SLC39A11: variants seen among roughly 807,000 people sequenced by gnomAD.
The protein encoded by SLC39A11 is solute carrier family 39 member 11.
SLC39A11 carries 33 observed loss-of-function variants against 36.1 expected under a neutral mutation model. The ratio of observed to expected loss-of-function variants is 0.91; its 90% CI spans 0.69 to 1.22. The LOEUF (loss-of-function observed/expected upper bound fraction) is 1.22. Ranked by LOEUF, SLC39A11 falls within the 50% of genes most tolerant of loss-of-function variation. The pLI is 0.00. For synonymous variants in SLC39A11, 166 were observed against 170.3 expected (o/e 0.97, Z 0.20); for missense variants, 432 against 430.3 (o/e 1.00, Z -0.03).
At chr17:72,741,155 T>C (rs1247007409) in intron 6 of SLC39A11, among the ~76,000 whole-genome samples, 1 of 152,078 alleles carries the variant, frequency 6.6e-6, no homozygotes, top group African/African-American at 2.4e-5. Flanking sequence ...ATTGTTACAG[T>C]AGTACAGTGG....
intron 1 of SLC39A11, among the ~76,000 whole-genome samples, chr17:73,091,305 G>T (rs1171107689): frequency 6.6e-6 from 1 of 151,918 alleles, no homozygotes; most frequent in East Asian, 1.9e-4. Flanking sequence ...GTGTGTGCCT[G>T]TAGTCCCAGT....
chr17:72,811,492 C>T (rs2077433172), intron 6 of SLC39A11, among the ~76,000 whole-genome samples: 2 of 152,160 alleles, frequency 1.3e-5, no homozygotes, highest in African/African-American at 4.8e-5. Context: ...CAGAAATCCA[C>T]CTGGATCTCA....
intron 4 of SLC39A11, among the ~76,000 whole-genome samples, chr17:72,984,658 T>C (rs751991536): frequency 1.3e-5 from 2 of 152,196 alleles, no homozygotes; most frequent in African/African-American, 2.4e-5. Flanking sequence ...CTCCAGGGGA[T>C]TCTCATGCAC....
At chr17:73,085,659 A>C (rs1375273125) in intron 2 of SLC39A11, among the ~76,000 whole-genome samples, 4 of 151,792 alleles carry the variant, frequency 2.6e-5, no homozygotes, top group Non-Finnish European at 5.9e-5. Flanking sequence ...AAAAAAAAAA[A>C]AAACCCTCAC....
chr17:72,657,853 AT>A lies in SLC39A11; in HGVS notation c.672-8586del, dbSNP rs1292036460. On this transcript the variant is annotated intron_variant, in intron 7 of 9. Transcript: ENST00000255559. ...TAAAACTCGCAATGGTCTGATGCAAATTTTGACCGCTTTTAGCCCCTTGGAT... is the reference window on the plus strand; with the variant it reads ...TAAAACTCGCAATGGTCTGATGCAAATTTGACCGCTTTTAGCCCCTTGGAT... 9.2e-5 allele frequency among the ~76,000 whole-genome samples: 14 copies of A among 152,336 alleles called. No individual in the cohort carries two copies. The East Asian group carries it at 2.7e-3, about 29-fold the overall frequency.
intron 7 of SLC39A11, among the ~76,000 whole-genome samples, chr17:72,690,448 G>A (rs1276730283): frequency 6.6e-6 from 1 of 152,294 alleles, no homozygotes; most frequent in Middle Eastern, 3.4e-3. Flanking sequence ...AGCTTCTCGG[G>A]TACTTTTCCC....
chr17:73,008,748 T>G (rs2090333479), intron 4 of SLC39A11, among the ~76,000 whole-genome samples: 1 of 151,834 alleles, frequency 6.6e-6, no homozygotes. Context: ...ATATTCTTCA[T>G]CCAAAAAAAG....
chr17:72,651,110 T>C (rs1309162629), intron 7 of SLC39A11, among the ~76,000 whole-genome samples: 1 of 152,152 alleles, frequency 6.6e-6, no homozygotes, highest in Non-Finnish European at 1.5e-5. Context: ...AGTAGACTCT[T>C]AGGAAAAGTC....
chr17:72,658,809 G>C (rs1011793924), intron 7 of SLC39A11, among the ~76,000 whole-genome samples: 2 of 151,896 alleles, frequency 1.3e-5, no homozygotes, highest in African/African-American at 4.8e-5. Context: ...CCACCGACAG[G>C]GCTCTTGTGT....
rs111730103 is a variant in SLC39A11 at position 72,845,491 on chromosome 17, C to A, written c.601+4143G>T. On this transcript the variant is annotated intron_variant, in intron 6 of 9. Coordinates refer to ENST00000255559, the MANE Select transcript of SLC39A11 (RefSeq NM_139177.4). ...TCAAATTCAAGGACATCTCAAGGAG[C>A]CCCTCCCTACCTACTCTATTTAAAA... 6.0e-3 allele frequency among the ~76,000 whole-genome samples: 919 copies of A among 152,294 alleles called. 6 individuals are homozygous for A. The highest frequency in any genetic ancestry group is 0.021 in the African/African-American group (865 of 41,562).
chr17:72,732,461 C>A (rs867101019), intron 7 of SLC39A11, among the ~76,000 whole-genome samples: 1 of 152,198 alleles, frequency 6.6e-6, no homozygotes, highest in East Asian at 1.9e-4. Context: ...TAGTCTCCTT[C>A]GTCTTCTCTG....
At chr17:72,689,507 G>C (rs1312908424) in intron 7 of SLC39A11, among the ~76,000 whole-genome samples, 1 of 152,200 alleles carries the variant, frequency 6.6e-6, no homozygotes, top group Non-Finnish European at 1.5e-5. Flanking sequence ...GTTCATGTCA[G>C]CATTATTCAC....
chr17:73,006,667 C>T (rs78734788), intron 4 of SLC39A11, among the ~76,000 whole-genome samples: 10,290 of 152,006 alleles, frequency 0.068, 471 homozygotes, highest in African/African-American at 0.13. Context: ...CACACACACA[C>T]ACACACACAC....
At chr17:72,763,779 G>A (rs2075671886) in intron 6 of SLC39A11, among the ~76,000 whole-genome samples, 1 of 152,162 alleles carries the variant, frequency 6.6e-6, no homozygotes, top group South Asian at 2.1e-4. Context: ...CTTTAAGATG[G>A]AGCGACCAGC....
intron 3 of SLC39A11, among the ~76,000 whole-genome samples, chr17:73,082,839 C>T (rs1185204422): frequency 1.7e-5 from 2 of 117,984 alleles, no homozygotes; most frequent in Admixed American, 1.0e-4. Context: ...GGCAAAACCC[C>T]ATCTCTACTA....
At chr17:72,663,733 TATG>T (rs1266445106) in intron 7 of SLC39A11, 1 of 152,168 alleles carries the variant, frequency 6.6e-6, no homozygotes, top group East Asian at 1.9e-4. Flanking sequence ...TGCCTCAGGA[TATG>T]AACGTCTGTC....
At chr17:73,020,680 C>CTTTTTTTTTTT (rs71154945) in intron 4 of SLC39A11, among the ~76,000 whole-genome samples, 9 of 98,894 alleles carry the variant, frequency 9.1e-5, no homozygotes, top group Admixed American at 1.4e-4. Flanking sequence ...TTGTTTCTTT[C>CTTTTTTTTTTT]TTTTTTTTTT....
chr17:72,721,485 T>G (rs1198125690), intron 7 of SLC39A11, among the ~76,000 whole-genome samples: 1 of 152,146 alleles, frequency 6.6e-6, no homozygotes, highest in African/African-American at 2.4e-5. Flanking sequence ...GGGCTCATCT[T>G]GGGTCCATGT....
At chr17:72,728,198 G>A (rs1222336173) in intron 7 of SLC39A11, among the ~76,000 whole-genome samples, 2 of 152,178 alleles carry the variant, frequency 1.3e-5, no homozygotes, top group Non-Finnish European at 2.9e-5. Context: ...TGTAATCCCA[G>A]CACTTTGGGA....
Sources: allele counts gnomAD v4.1 joint callset (sites outside exome capture counted in the v4.1 genomes callset), GRCh38; gene constraint gnomAD v4.1.1; transcripts MANE v1.5; gene names NCBI Gene and HGNC (gene_info 2026-07-23, HGNC 2026-07-21).